Variants in RYK observed in about 807,000 individuals in gnomAD.
RYK encodes the protein receptor like tyrosine kinase.
A neutral mutation model predicts 70.2 loss-of-function variants in RYK; 21 were observed. That is an observed-to-expected ratio of 0.30 (90% CI 0.21 to 0.43). The LOEUF (loss-of-function observed/expected upper bound fraction) is 0.43. Among genes scored for constraint, RYK ranks in the 20% least tolerant of loss-of-function variants. The probability of loss-of-function intolerance (pLI) is 1.00; values close to 1 mark genes in which losing one functional copy is unlikely to be tolerated. For missense variants in RYK, 604 were observed against 753.3 expected, an observed-to-expected ratio of 0.80 and a Z score of 2.32; for synonymous variants, 267 against 278.0, an observed-to-expected ratio of 0.96 and a Z score of 0.39.
At chr3:134,182,395 G>A (rs908837754) in intron 10 of RYK, among the ~76,000 whole-genome samples, 12 of 152,068 alleles carry the variant, frequency 7.9e-5, no homozygotes, top group Non-Finnish European at 1.6e-4. Flanking sequence ...GTGATATTAT[G>A]ATTATAAAGA....
chr3:134,221,205 T>C (rs919676395), intron 2 of RYK, among the ~76,000 whole-genome samples: 2 of 126,106 alleles, frequency 1.6e-5, no homozygotes, highest in African/African-American at 3.1e-5. Flanking sequence ...TCTTTTTTTT[T>C]TTTTTTTTTT....
chr3:134,207,268 C>G (rs895487944), intron 5 of RYK, among the ~76,000 whole-genome samples: 1 of 152,082 alleles, frequency 6.6e-6, no homozygotes, highest in Non-Finnish European at 1.5e-5. Context: ...TTACAAAATA[C>G]GTATAAATTT....
At chr3:134,245,712 C>G (rs1291261029) in intron 1 of RYK, among the ~76,000 whole-genome samples, 1 of 152,176 alleles carries the variant, frequency 6.6e-6, no homozygotes, top group Non-Finnish European at 1.5e-5. Flanking sequence ...CCATCCCTCC[C>G]TCAGCCAGGT....
At chr3:134,191,513 C>T (rs1314302871) in intron 8 of RYK, among the ~76,000 whole-genome samples, 1 of 152,184 alleles carries the variant, frequency 6.6e-6, no homozygotes, top group African/African-American at 2.4e-5. Context: ...CCCAAGTTAT[C>T]CGTCAGAGAG....
intron 10 of RYK, chr3:134,179,898 G>T (rs1235824260): frequency 6.6e-6 from 1 of 152,138 alleles, no homozygotes; most frequent in Non-Finnish European, 1.5e-5. Flanking sequence ...ACTACCACAG[G>T]ATTAAAAATC....
intron 2 of RYK, among the ~76,000 whole-genome samples, chr3:134,219,566 A>G (rs186953473): frequency 1.3e-5 from 2 of 152,338 alleles, no homozygotes; most frequent in East Asian, 3.9e-4. Flanking sequence ...ATTTTGAAAT[A>G]CATTTATTAT....
At chr3:134,224,949 T>C (rs2014858264) in intron 1 of RYK, among the ~76,000 whole-genome samples, 1 of 151,980 alleles carries the variant, frequency 6.6e-6, no homozygotes, top group African/African-American at 2.4e-5. Flanking sequence ...ATTCTATTTC[T>C]AGTATAACTA....
At chr3:134,203,273 G>A (rs1455315775) in intron 5 of RYK, among the ~76,000 whole-genome samples, 1 of 152,142 alleles carries the variant, frequency 6.6e-6, no homozygotes, top group Non-Finnish European at 1.5e-5. Flanking sequence ...GCTTGCACCT[G>A]GGAGGCAGAG....
chr3:134,224,645 C>T (rs865970683), intron 1 of RYK, among the ~76,000 whole-genome samples: 15 of 151,918 alleles, frequency 9.9e-5, no homozygotes, highest in Middle Eastern at 3.4e-3. Flanking sequence ...GTAACAGGTG[C>T]CTTCCCAGGC....
chr3:134,208,533 A>G (rs2014284475), intron 4 of RYK, among the ~76,000 whole-genome samples: 1 of 152,200 alleles, frequency 6.6e-6, no homozygotes, highest in Non-Finnish European at 1.5e-5. Flanking sequence ...CAAAACACTA[A>G]AGCTGAAAGA....
At chr3:134,193,015 C>A (rs2013693652) in intron 7 of RYK, among the ~76,000 whole-genome samples, 1 of 152,100 alleles carries the variant, frequency 6.6e-6, no homozygotes, top group African/African-American at 2.4e-5. Flanking sequence ...CTTTTTCTAT[C>A]TGTAAACAAA....
intron 11 of RYK, among the ~76,000 whole-genome samples, chr3:134,176,996 A>C (rs544293675): frequency 6.6e-6 from 1 of 152,240 alleles, no homozygotes; most frequent in African/African-American, 2.4e-5. Context: ...GGCAGTGCTG[A>C]GATCACGCCA....
intron 4 of RYK, among the ~76,000 whole-genome samples, 163 bp from the exon 5 acceptor site, chr3:134,207,688 T>C (rs1319707759): frequency 6.6e-6 from 1 of 152,202 alleles, no homozygotes; most frequent in Non-Finnish European, 1.5e-5. Context: ...CAGTCACCAA[T>C]CAATAGTCTA....
intron 1 of RYK, among the ~76,000 whole-genome samples, chr3:134,244,656 G>C (rs2015408127): frequency 6.6e-6 from 1 of 152,210 alleles, no homozygotes; most frequent in Admixed American, 6.5e-5. Flanking sequence ...AGCTTCTGAA[G>C]CTTTCGGTGT....
At chr3:134,250,387 C>G (rs1345123644) in intron 1 of RYK, 36 bp downstream of exon 1, 3 of 1,325,816 alleles carry the variant, frequency 2.3e-6, no homozygotes, top group Non-Finnish European at 1.9e-6. Flanking sequence ...CCAGCCGGCC[C>G]GACCTGCCCG....
rs1413684671 is a variant in RYK, at chr3:134,191,986, A to G, written c.890-12T>C. The G allele has an allele frequency of 2.5e-6, 4 of 1,612,072 alleles. No individual in the cohort carries two copies. In the Admixed American group the frequency reaches 5.0e-5, roughly 20 times the overall value. The stretch of plus-strand genomic sequence containing the variant: ...CAAGGTAGGATAACCTAAGGAGCCA[A>G]CAAAGCCAAACCAAGCAATATAAAT... On this transcript the variant is annotated splice_polypyrimidine_tract_variant and intron_variant, in intron 7 of 14. Transcript: ENST00000623711.
chr3:134,193,744 C>T (rs558052172), intron 7 of RYK, among the ~76,000 whole-genome samples: 1 of 152,234 alleles, frequency 6.6e-6, no homozygotes, highest in East Asian at 1.9e-4. Flanking sequence ...CTGTATAATG[C>T]CTTCTTTCCT....
At chr3:134,163,214 A>G (rs547354172) in intron 13 of RYK, among the ~76,000 whole-genome samples, 1 of 152,348 alleles carries the variant, frequency 6.6e-6, no homozygotes, top group African/African-American at 2.4e-5. Context: ...AAAACTAACA[A>G]AAGTGATTAA....
chr3:134,161,041 C>T (rs537347586), intron 13 of RYK, among the ~76,000 whole-genome samples: 57 of 152,256 alleles, frequency 3.7e-4, no homozygotes, highest in Admixed American at 3.5e-3. Flanking sequence ...ACATGGAAAT[C>T]TGAGTCAACA....
Sources: gnomAD v4.1 joint callset for allele counts (sites outside exome capture counted in the v4.1 genomes callset) on GRCh38, gnomAD v4.1.1 for gene constraint, MANE v1.5 for transcripts, NCBI Gene and HGNC (gene_info 2026-07-23, HGNC 2026-07-21) for gene names.